Variants in NREP observed in about 807,000 individuals in gnomAD.
NREP encodes neuronal regeneration related protein.
In NREP, 5 loss-of-function variants were observed where a neutral mutation model predicts 8.6. The observed-to-expected ratio is 0.58, with a 90% CI of 0.30 to 1.22. The LOEUF (loss-of-function observed/expected upper bound fraction) is 1.22, where lower values mean the gene tolerates loss of function less well. Among genes scored for constraint, NREP ranks in the 50% most tolerant of loss-of-function variants. The pLI is 0.07. For missense variants in NREP, 86 were observed against 82.5 expected (o/e 1.04, Z -0.17); for synonymous variants, 27 against 28.0 (o/e 0.96, Z 0.11).
intron 2 of NREP, among the ~76,000 whole-genome samples, chr5:111,788,232 G>A (rs1751659292): frequency 6.6e-6 from 1 of 152,140 alleles, no homozygotes; most frequent in South Asian, 2.1e-4. Context: ...GGTTCAATGG[G>A]CCAAAATGGC....
At chr5:111,956,597 T>TA (rs1756327118) in intron 2 of NREP, among the ~76,000 whole-genome samples, 1 of 151,560 alleles carries the variant, frequency 6.6e-6, no homozygotes, top group Non-Finnish European at 1.5e-5. Context: ...ACAGAAAGAG[T>TA]AAAAACAATA....
At chr5:111,767,886 A>G (rs1751123628) in intron 2 of NREP, among the ~76,000 whole-genome samples, 1 of 152,028 alleles carries the variant, frequency 6.6e-6, no homozygotes, top group South Asian at 2.1e-4. Flanking sequence ...GCTGGTCTCA[A>G]ACTCCTGGGC....
chr5:111,812,141 T>C (rs964350241), intron 2 of NREP, among the ~76,000 whole-genome samples: 2 of 151,930 alleles, frequency 1.3e-5, no homozygotes, highest in South Asian at 4.2e-4. Flanking sequence ...ACAAAAATTA[T>C]CTGGGCCTGG....
At chr5:111,908,107 G>A (rs1754821152) in intron 2 of NREP, among the ~76,000 whole-genome samples, 1 of 151,902 alleles carries the variant, frequency 6.6e-6, no homozygotes, top group African/African-American at 2.4e-5. Context: ...AGCTTCCATG[G>A]AAAACTTCCA....
intron 2 of NREP, among the ~76,000 whole-genome samples, chr5:111,767,466 A>G (rs1023865350): frequency 6.6e-6 from 1 of 152,158 alleles, no homozygotes. Flanking sequence ...ACCCACAAGC[A>G]TCATAAACTC....
intron 2 of NREP, among the ~76,000 whole-genome samples, chr5:111,847,989 A>G (rs757460201): frequency 6.6e-6 from 1 of 152,182 alleles, no homozygotes; most frequent in Non-Finnish European, 1.5e-5. Flanking sequence ...AGGACCTAGG[A>G]AAGGCTCTTG....
rs1363647136 is a variant in NREP, at chr5:111,730,313, A to T, written c.*608T>A. On this transcript the variant is annotated 3_prime_UTR_variant, in exon 4 of 4. Coordinates refer to ENST00000257435, the MANE Select transcript of NREP (RefSeq NM_004772.4). Reference sequence around the variant, plus strand: ...TTCTTAGAACATGGAAATAAAAAATAACTCCATCAGAGCTACCTCGCCAAG... The same window carrying T: ...TTCTTAGAACATGGAAATAAAAAATTACTCCATCAGAGCTACCTCGCCAAG... 6.6e-6 allele frequency: 1 copy of T among 152,610 alleles called. No homozygotes were observed. The highest frequency in any genetic ancestry group is 1.5e-5 in the Non-Finnish European group (1 of 68,048). 9.5% of individuals were successfully genotyped at this position (152,610 alleles called of 1,614,324 possible).
At chr5:111,872,156 C>T (rs1032855379) in intron 2 of NREP, among the ~76,000 whole-genome samples, 1 of 152,024 alleles carries the variant, frequency 6.6e-6, no homozygotes, top group Non-Finnish European at 1.5e-5. Flanking sequence ...GATCTGCAGG[C>T]TGAGCCAGCA....
intron 2 of NREP, among the ~76,000 whole-genome samples, chr5:111,935,129 A>T (rs1264928529): frequency 2.0e-5 from 3 of 152,108 alleles, no homozygotes; most frequent in South Asian, 2.1e-4. Context: ...TTTCCCTCCA[A>T]TATTTCCCCA....
rs2112766879 is a variant in NREP at position 111,729,428 on chromosome 5, C to T, written c.*1493G>A. 2 of 152,576 alleles carry T rather than the reference C, an allele frequency of 1.3e-5. 1 individual carries two copies. The allele number at this position is 152,576 out of a possible 1,614,324, so 9.5% of individuals were successfully genotyped here. A position where few individuals can be genotyped will look rare whatever the true frequency, so the allele number is the denominator to read the frequency against. ...AAAAGCCTGCATTTTCAGCAGTACACAACTGCAACTCTACATAAATGCCAC... is the reference window on the plus strand; with the variant it reads ...AAAAGCCTGCATTTTCAGCAGTACATAACTGCAACTCTACATAAATGCCAC... On this transcript the variant is annotated 3_prime_UTR_variant, in exon 4 of 4. Coordinates refer to ENST00000257435, the MANE Select transcript of NREP (RefSeq NM_004772.4).
At chr5:111,886,711 C>G (rs1443328456) in intron 2 of NREP, among the ~76,000 whole-genome samples, 1 of 150,900 alleles carries the variant, frequency 6.6e-6, no homozygotes, top group Non-Finnish European at 1.5e-5. Flanking sequence ...TCTCAGTAAA[C>G]TATCGCAAGA....
At chr5:111,973,265 TAA>T (rs5870480) in intron 2 of NREP, among the ~76,000 whole-genome samples, 28 of 151,744 alleles carry the variant, frequency 1.8e-4, no homozygotes, top group African/African-American at 4.1e-4. Flanking sequence ...TACCCCCTTT[TAA>T]AAAAAAAATG....
upstream of NREP, among the ~76,000 whole-genome samples, chr5:111,759,384 C>G (rs977335216): frequency 3.3e-5 from 5 of 151,956 alleles, no homozygotes; most frequent in African/African-American, 1.2e-4. Context: ...GATGTTCTTT[C>G]ACAGAGAAGT....
chr5:111,804,179 C>T (rs1216871149), intron 2 of NREP, among the ~76,000 whole-genome samples: 1 of 152,078 alleles, frequency 6.6e-6, no homozygotes, highest in African/African-American at 2.4e-5. Flanking sequence ...GGTACTAGCA[C>T]ATGAACGTTA....
At chr5:111,932,327 C>G (rs1463904980) in intron 2 of NREP, among the ~76,000 whole-genome samples, 5 of 151,970 alleles carry the variant, frequency 3.3e-5, no homozygotes, top group Non-Finnish European at 7.4e-5. Context: ...ACAATATACA[C>G]TGAATGGAAT....
At chr5:111,793,964 G>A (rs1411365106) in intron 2 of NREP, among the ~76,000 whole-genome samples, 1 of 152,148 alleles carries the variant, frequency 6.6e-6, no homozygotes, top group Non-Finnish European at 1.5e-5. Context: ...AGGCTGAGGT[G>A]GGAGTACCAC....
intron 2 of NREP, among the ~76,000 whole-genome samples, chr5:111,744,723 T>C (rs1749894497): frequency 6.6e-6 from 1 of 152,066 alleles, no homozygotes; most frequent in Non-Finnish European, 1.5e-5. Flanking sequence ...ACAGATGTGT[T>C]TCAGGGCTAG....
chr5:111,859,128 G>T (rs1472356760), intron 2 of NREP, among the ~76,000 whole-genome samples: 2 of 152,126 alleles, frequency 1.3e-5, no homozygotes, highest in Non-Finnish European at 1.5e-5. Flanking sequence ...GAAGAAGATG[G>T]TTAAAGAGGT....
At chr5:111,942,916 A>G (rs1281926386) in intron 2 of NREP, among the ~76,000 whole-genome samples, 1 of 152,020 alleles carries the variant, frequency 6.6e-6, no homozygotes, top group Non-Finnish European at 1.5e-5. Flanking sequence ...ATTATATTGT[A>G]AGGCTGTTTT....
Sources: gnomAD v4.1 joint callset for allele counts (sites outside exome capture counted in the v4.1 genomes callset) on GRCh38, gnomAD v4.1.1 for gene constraint, MANE v1.5 for transcripts, NCBI Gene and HGNC (gene_info 2026-07-23, HGNC 2026-07-21) for gene names.